PSMC6: variants seen among roughly 807,000 people sequenced by gnomAD.
PSMC6 encodes proteasome 26S subunit, ATPase 6.
A neutral mutation model predicts 55.9 loss-of-function variants in PSMC6; 3 were observed. The ratio of observed to expected loss-of-function variants is 0.05; its 90% CI spans 0.02 to 0.14. The LOEUF is 0.14. PSMC6 is among the 10% of genes least tolerant of loss of function. The pLI, the probability that PSMC6 is intolerant of heterozygous loss-of-function variation, is 1.00. For synonymous variants in PSMC6, 137 were observed against 155.9 expected (o/e 0.88, Z 0.90); for missense variants, 210 against 478.7 (o/e 0.44, Z 5.24).
At chr14:52,718,207 T>G in intron 8 of PSMC6, 22 bp from the exon 9 acceptor site, 7 of 1,609,894 alleles carry the variant, frequency 4.3e-6, no homozygotes, top group Non-Finnish European at 6.0e-6. Context: ...TATATTTACC[T>G]TACTGTTTTT....
At position 52,728,056 on chromosome 14, in the gene PSMC6, A is replaced by G. The variant is rs1039113506; in HGVS notation, c.*439A>G. 5.1e-5 allele frequency: 8 copies of G among 155,682 alleles called. No individual in the cohort carries two copies. Among genetic ancestry groups the G allele is most frequent in the African/African-American group, 1.7e-4 (7 of 41,464 alleles). The allele number at this position is 155,682 out of a possible 1,614,324, so 9.6% of individuals were successfully genotyped here. On this transcript the variant is annotated 3_prime_UTR_variant, in exon 14 of 14. Coordinates refer to ENST00000445930, the MANE Select transcript of PSMC6 (RefSeq NM_002806.5). ...GTCCTTTAGGTTCTTTAGCAAGTAA[A>G]CTATTTGATAACCCAGATGGATTGT...
intron 6 of PSMC6, among the ~76,000 whole-genome samples, chr14:52,712,051 C>A (rs1257146157): frequency 6.6e-6 from 1 of 152,184 alleles, no homozygotes; most frequent in African/African-American, 2.4e-5. Context: ...TGCCTTACTT[C>A]ATAGCACAGA....
intron 12 of PSMC6, 179 bp downstream of exon 12, chr14:52,721,369 A>T (rs1349149956): frequency 7.5e-6 from 4 of 533,344 alleles, no homozygotes; most frequent in Non-Finnish European, 1.3e-5. Flanking sequence ...GTGTTTTGTA[A>T]GGGCTGACAA....
chr14:52,723,032 C>G (rs1427126828), intron 12 of PSMC6: 1 of 152,110 alleles, frequency 6.6e-6, no homozygotes, highest in African/African-American at 2.4e-5. Flanking sequence ...TCTTCATTGC[C>G]CCTGTTAGAG....
chr14:52,711,894 C>G (rs1293517764), intron 6 of PSMC6, among the ~76,000 whole-genome samples: 2 of 152,124 alleles, frequency 1.3e-5, no homozygotes, highest in Non-Finnish European at 2.9e-5. Flanking sequence ...CTCATTAATA[C>G]TAGCTTCCCA....
chr14:52,708,156 A>C (rs2041724815), intron 1 of PSMC6, among the ~76,000 whole-genome samples, 153 bp from the exon 2 acceptor site: 1 of 152,226 alleles, frequency 6.6e-6, no homozygotes, highest in Admixed American at 6.5e-5. Context: ...CCTACTCATT[A>C]CAAACAGCAT....
chr14:52,721,647 A>G (rs2041892117), intron 12 of PSMC6: 1 of 152,628 alleles, frequency 6.6e-6, no homozygotes, highest in African/African-American at 2.4e-5. Flanking sequence ...GTTTGGCAAG[A>G]CGCTGTTTCA....
intron 6 of PSMC6, among the ~76,000 whole-genome samples, chr14:52,711,766 C>A (rs183800465): frequency 2.6e-5 from 4 of 151,912 alleles, no homozygotes; most frequent in African/African-American, 9.7e-5. Flanking sequence ...GGCAAAGGAA[C>A]GGAGAAAAAG....
chr14:52,718,462 T>G, intron 9 of PSMC6, 110 bp downstream of exon 9: 1 of 1,197,004 alleles, frequency 8.4e-7, no homozygotes, highest in South Asian at 1.5e-5. Flanking sequence ...GATACCACAA[T>G]GAATCAGATG....
rs1478092160 is a variant in PSMC6 at position 52,711,117 on chromosome 14, T to C, written c.275T>C (p.Leu92Pro). The C allele has an allele frequency of 6.2e-7, 1 of 1,613,826 alleles. No homozygotes were observed. Among genetic ancestry groups the C allele is most frequent in the Non-Finnish European group, 8.5e-7 (1 of 1,179,878 alleles). ...CAAAACTAGCTTGACAAAAGTAAGC[T>C]GAAGCCAGGAACAAGAGTTGCTTTG... ...GCRRQLDKSKLKPGTRVALDM... is the reference protein window; with the variant it reads ...GCRRQLDKSKPKPGTRVALDM... Residue 92 changes from leucine (L) to proline (P), a missense_variant, in exon 5 of 14, where the codon CTG becomes CCG. Leu to Pro is a moderately conservative substitution (Grantham distance 98). Coordinates refer to ENST00000445930, the MANE Select transcript of PSMC6 (RefSeq NM_002806.5).
chr14:52,710,680 C>G (rs183192536), intron 4 of PSMC6: 44 of 197,338 alleles, frequency 2.2e-4, no homozygotes, highest in Non-Finnish European at 3.2e-4. Context: ...TTTTTCTCTA[C>G]TCTCATGAGC....
intron 12 of PSMC6, chr14:52,723,241 CTA>C: frequency 6.6e-6 from 1 of 152,340 alleles, no homozygotes; most frequent in South Asian, 2.1e-4. Context: ...ACGACATGCC[CTA>C]TATTGCCTGA....
chr14:52,720,092 G>A (rs567980107), intron 10 of PSMC6, among the ~76,000 whole-genome samples: 40 of 151,858 alleles, frequency 2.6e-4, no homozygotes, highest in African/African-American at 9.4e-4. Flanking sequence ...GCGTGGTGGC[G>A]TGTGCCTGTA....
chr14:52,709,294 G>A (rs2041738999), intron 4 of PSMC6, among the ~76,000 whole-genome samples: 1 of 152,182 alleles, frequency 6.6e-6, no homozygotes, highest in Admixed American at 6.5e-5. Context: ...GCCAACAAAT[G>A]ACCTCAAGTC....
At chr14:52,716,944 C>T (rs959722733) in intron 7 of PSMC6, among the ~76,000 whole-genome samples, 2 of 152,064 alleles carry the variant, frequency 1.3e-5, no homozygotes, top group African/African-American at 2.4e-5. Context: ...AAATTGAACT[C>T]GTAGAAACCA....
chr14:52,723,916 A>C, intron 12 of PSMC6, 49 bp from the exon 13 acceptor site: 4 of 1,602,496 alleles, frequency 2.5e-6, no homozygotes, highest in Non-Finnish European at 3.4e-6. Flanking sequence ...GCATAAATCA[A>C]GTAAAGGTCT....
intron 12 of PSMC6, chr14:52,722,309 G>C (rs1880229544): frequency 6.6e-6 from 1 of 152,180 alleles, no homozygotes; most frequent in South Asian, 2.1e-4. Flanking sequence ...AGAAGTAGAA[G>C]GGGAATGCCG....
At chr14:52,726,497 T>C (rs1880417776) in intron 13 of PSMC6, among the ~76,000 whole-genome samples, 1 of 152,170 alleles carries the variant, frequency 6.6e-6, no homozygotes, top group Admixed American at 6.5e-5. Flanking sequence ...CCCCCATAAA[T>C]GTGTGCCTTC....
intron 11 of PSMC6, 50 bp from the exon 12 acceptor site, chr14:52,721,060 G>A: frequency 6.3e-7 from 1 of 1,577,954 alleles, no homozygotes; most frequent in Non-Finnish European, 8.6e-7. Context: ...ACCTTCCACT[G>A]TATTTTAAAA....
Sources: allele counts gnomAD v4.1 joint callset (sites outside exome capture counted in the v4.1 genomes callset), GRCh38; gene constraint gnomAD v4.1.1; transcripts MANE v1.5; gene names NCBI Gene and HGNC (gene_info 2026-07-23, HGNC 2026-07-21).